SMIM14: variants seen among roughly 807,000 people sequenced by gnomAD.
SMIM14 encodes small integral membrane protein 14.
Under a neutral mutation model 12.6 loss-of-function variants are expected in SMIM14, and 5 were observed. The observed-to-expected ratio is 0.40, with a 90% confidence interval of 0.21 to 0.83. The LOEUF (loss-of-function observed/expected upper bound fraction) is 0.83, where lower values mean the gene tolerates loss of function less well. SMIM14 is among the 40% of genes least tolerant of loss of function. The pLI is 0.37. For missense variants in SMIM14, 86 were observed against 119.1 expected (o/e 0.72, Z 1.29); for synonymous variants, 30 against 40.1 (o/e 0.75, Z 0.95).
chr4:39,585,026 AT>A (rs1178126840), intron 2 of SMIM14, among the ~76,000 whole-genome samples: 1 of 151,828 alleles, frequency 6.6e-6, no homozygotes, highest in Non-Finnish European at 1.5e-5. Context: ...AAATGATGCA[AT>A]TTACTGTCAT....
At chr4:39,574,130 C>T (rs1308662113) in intron 2 of SMIM14, among the ~76,000 whole-genome samples, 4 of 152,034 alleles carry the variant, frequency 2.6e-5, no homozygotes, top group Admixed American at 2.6e-4. Context: ...TAGTAATCCA[C>T]ACTTGGAATT....
intron 2 of SMIM14, among the ~76,000 whole-genome samples, chr4:39,597,537 G>T (rs774420105): frequency 2.7e-5 from 4 of 150,818 alleles, no homozygotes; most frequent in Non-Finnish European, 5.9e-5. Context: ...TCTGCCTCCG[G>T]GGTTCAAGTG....
At chr4:39,570,923 T>G (rs1293746446) in intron 3 of SMIM14, among the ~76,000 whole-genome samples, 1 of 152,204 alleles carries the variant, frequency 6.6e-6, no homozygotes, top group African/African-American at 2.4e-5. Context: ...AATCTAATTA[T>G]GCCAGGCTTC....
chr4:39,636,756 T>C (rs1716106213), intron 1 of SMIM14, among the ~76,000 whole-genome samples: 3 of 152,136 alleles, frequency 2.0e-5, no homozygotes, highest in Non-Finnish European at 4.4e-5. Flanking sequence ...GAACCCTATA[T>C]ATGGACTGTT....
chr4:39,616,844 G>A (rs1175767798), intron 1 of SMIM14, among the ~76,000 whole-genome samples: 2 of 151,830 alleles, frequency 1.3e-5, no homozygotes, highest in Non-Finnish European at 2.9e-5. Flanking sequence ...TTTTCCAAGA[G>A]CAACAATACT....
chr4:39,611,029 A>G (rs1715011932), intron 1 of SMIM14, among the ~76,000 whole-genome samples: 1 of 152,218 alleles, frequency 6.6e-6, no homozygotes, highest in Middle Eastern at 3.2e-3. Flanking sequence ...TTGAAAAACC[A>G]TGTGCAATAT....
At chr4:39,625,217 CAAAA>C (rs555489081) in intron 1 of SMIM14, among the ~76,000 whole-genome samples, 2 of 56,280 alleles carry the variant, frequency 3.6e-5, no homozygotes. Context: ...GACATCATCT[CAAAA>C]AAAAAAAAAA....
chr4:39,582,160 C>A (rs537081187), intron 2 of SMIM14, among the ~76,000 whole-genome samples: 1 of 152,148 alleles, frequency 6.6e-6, no homozygotes, highest in East Asian at 1.9e-4. Context: ...AATGAGCCAC[C>A]GCGCCTGGTC....
At chr4:39,598,012 CT>C (rs1204027150) in intron 2 of SMIM14, among the ~76,000 whole-genome samples, 5 of 152,320 alleles carry the variant, frequency 3.3e-5, no homozygotes, top group South Asian at 2.1e-4. Flanking sequence ...TTCCTTCTCA[CT>C]TTATTTACAA....
Sources: gnomAD v4.1 joint callset for allele counts (sites outside exome capture counted in the v4.1 genomes callset) on GRCh38, gnomAD v4.1.1 for gene constraint, MANE v1.5 for transcripts, NCBI Gene and HGNC (gene_info 2026-07-23, HGNC 2026-07-21) for gene names.